The following DOCK4 variants were observed in gnomAD, a reference collection of about 807,000 sequenced individuals.
DOCK4 encodes the protein dedicator of cytokinesis protein 4.
A neutral mutation model predicts 268.1 loss-of-function variants in DOCK4; 97 were observed. The ratio of observed to expected loss-of-function variants is 0.36; its 90% CI spans 0.31 to 0.43. The LOEUF (loss-of-function observed/expected upper bound fraction) is 0.43, where lower values mean the gene tolerates loss of function less well. DOCK4 is among the 20% of genes least tolerant of loss of function. DOCK4 has a pLI of 1.00. For missense variants in DOCK4, 2,145 were observed against 2,455.7 expected (o/e 0.87, Z 2.67); for synonymous variants, 954 against 887.2 (o/e 1.08, Z -1.34).
chr7:111,975,011 A>C (rs1200818876), intron 8 of DOCK4, among the ~76,000 whole-genome samples: 1 of 152,216 alleles, frequency 6.6e-6, no homozygotes, highest in Non-Finnish European at 1.5e-5. Flanking sequence ...CATGCCTATA[A>C]TCCCCAGCAC....
intron 23 of DOCK4, among the ~76,000 whole-genome samples, chr7:111,851,591 T>C (rs1285282476): frequency 6.6e-6 from 1 of 152,052 alleles, no homozygotes; most frequent in Admixed American, 6.6e-5. Context: ...AAATTAAAAA[T>C]TCTACTTGAC....
chr7:111,765,760 G>A (rs1269345739), intron 38 of DOCK4, among the ~76,000 whole-genome samples: 1 of 152,180 alleles, frequency 6.6e-6, no homozygotes, highest in African/African-American at 2.4e-5. Context: ...CAAACCAAAG[G>A]AGACCCATAG....
At chr7:112,057,268 G>A (rs1463554153) in intron 1 of DOCK4, among the ~76,000 whole-genome samples, 1 of 151,938 alleles carries the variant, frequency 6.6e-6, no homozygotes, top group Non-Finnish European at 1.5e-5. Context: ...AAAAAGCCAG[G>A]CACAGTGGCT....
At position 111,839,656 on chromosome 7, in the gene DOCK4, T is replaced by C. The variant is rs73205389; in HGVS notation, c.2737-4970A>G. Among the ~76,000 whole-genome samples the C allele has an allele frequency of 4.5e-3, 681 of 152,342 alleles. 7 individuals are homozygous for C. The highest frequency in any genetic ancestry group is 0.027 in the Middle Eastern group (8 of 294). Reference sequence around the variant, plus strand: ...ATCCCTTGGGCATTTATGATGATTATTGTCAATCCCAACATCTACTCTACA... The same window carrying C: ...ATCCCTTGGGCATTTATGATGATTACTGTCAATCCCAACATCTACTCTACA... On this transcript the variant is annotated intron_variant, in intron 25 of 52. Coordinates refer to ENST00000428084, the MANE Select transcript of DOCK4 (RefSeq NM_001363540.2).
chr7:111,891,199 T>A (rs1250190466), intron 16 of DOCK4, among the ~76,000 whole-genome samples: 1 of 141,960 alleles, frequency 7.0e-6, no homozygotes, highest in Non-Finnish European at 1.5e-5. Flanking sequence ...GAAAAAAAAA[T>A]TATTAATATT....
intron 1 of DOCK4, among the ~76,000 whole-genome samples, chr7:112,061,958 T>A (rs945437396): frequency 6.6e-6 from 1 of 152,178 alleles, no homozygotes; most frequent in Non-Finnish European, 1.5e-5. Context: ...TTTATAAACA[T>A]TATTTAATTC....
chr7:111,758,453 A>AT (rs1233151321), intron 41 of DOCK4, among the ~76,000 whole-genome samples, 171 bp downstream of exon 41: 1 of 152,176 alleles, frequency 6.6e-6, no homozygotes, highest in African/African-American at 2.4e-5. Context: ...GGAGCACTCC[A>AT]TGTCACTCTG....
At chr7:112,068,139 T>C (rs1237698414) in intron 1 of DOCK4, among the ~76,000 whole-genome samples, 1 of 152,120 alleles carries the variant, frequency 6.6e-6, no homozygotes. Context: ...TACTTGCTAC[T>C]GGGGAGTTTG....
intron 1 of DOCK4, among the ~76,000 whole-genome samples, chr7:112,110,599 T>G (rs1314978662): frequency 2.0e-5 from 3 of 152,156 alleles, no homozygotes; most frequent in African/African-American, 7.2e-5. Context: ...ATCTGGCAAG[T>G]GTCATGCATG....
At chr7:111,738,531 C>CCAA (rs143180007) in intron 49 of DOCK4, among the ~76,000 whole-genome samples, 1,748 of 152,282 alleles carry the variant, frequency 0.011, 32 homozygotes, top group African/African-American at 0.04. Context: ...CTTTATTCAC[C>CCAA]CAACTACTTT....
intron 10 of DOCK4, among the ~76,000 whole-genome samples, chr7:111,941,722 A>C (rs1375341560): frequency 6.6e-6 from 1 of 152,126 alleles, no homozygotes; most frequent in African/African-American, 2.4e-5. Context: ...AAGGGCATGC[A>C]CACATTTCAA....
intron 12 of DOCK4, 87 bp from the exon 13 acceptor site, chr7:111,915,991 G>T (rs1792551816): frequency 1.4e-6 from 2 of 1,395,956 alleles, no homozygotes; most frequent in Admixed American, 2.3e-5. Context: ...CCCAAATTTA[G>T]AATATCATGG....
chr7:112,009,498 T>C (rs2135349426), intron 1 of DOCK4, among the ~76,000 whole-genome samples: 1 of 152,330 alleles, frequency 6.6e-6, no homozygotes, highest in Non-Finnish European at 1.5e-5. Context: ...TGTAAAATAT[T>C]GAACACTGGT....
At chr7:111,972,908 T>G (rs868353585) in intron 8 of DOCK4, among the ~76,000 whole-genome samples, 1 of 151,774 alleles carries the variant, frequency 6.6e-6, no homozygotes, top group South Asian at 2.1e-4. Context: ...CAGTGTACAC[T>G]GTACCCAATG....
chr7:112,094,322 T>C (rs1010260116), intron 1 of DOCK4, among the ~76,000 whole-genome samples: 1 of 152,162 alleles, frequency 6.6e-6, no homozygotes, highest in Non-Finnish European at 1.5e-5. Flanking sequence ...AAGTGGACTA[T>C]GAGAAATAGA....
chr7:112,142,919 G>GT (rs1177841800), intron 1 of DOCK4, among the ~76,000 whole-genome samples: 1 of 151,870 alleles, frequency 6.6e-6, no homozygotes, highest in African/African-American at 2.4e-5. Context: ...TTATCTATTT[G>GT]TTTTTACTAG....
chr7:112,083,658 A>G (rs752716671), intron 1 of DOCK4, among the ~76,000 whole-genome samples: 3 of 152,204 alleles, frequency 2.0e-5, no homozygotes, highest in South Asian at 2.1e-4. Context: ...TGTAGAATTT[A>G]TCTTTACCTG....
intron 26 of DOCK4, among the ~76,000 whole-genome samples, chr7:111,831,324 C>T (rs1319291050): frequency 6.6e-6 from 1 of 152,192 alleles, no homozygotes; most frequent in East Asian, 1.9e-4. Flanking sequence ...GTCATCAAGT[C>T]CTGCCAATTC....
At chr7:111,765,049 A>C in intron 39 of DOCK4, 69 bp downstream of exon 39, 2 of 709,954 alleles carry the variant, frequency 2.8e-6, no homozygotes, top group Non-Finnish European at 4.4e-6. Flanking sequence ...TGTCATTAAC[A>C]TCTTAGTTTT....
Sources: allele counts gnomAD v4.1 joint callset (sites outside exome capture counted in the v4.1 genomes callset), GRCh38; gene constraint gnomAD v4.1.1; transcripts MANE v1.5; gene names NCBI Gene and HGNC (gene_info 2026-07-23, HGNC 2026-07-21).